SIPA1L2: variants seen among roughly 807,000 people sequenced by gnomAD.
SIPA1L2 encodes signal induced proliferation associated 1 like 2.
A neutral mutation model predicts 163.9 loss-of-function variants in SIPA1L2; 56 were observed. The observed-to-expected ratio is 0.34, with a 90% CI of 0.28 to 0.43. The LOEUF (loss-of-function observed/expected upper bound fraction) is 0.43. SIPA1L2 is among the 20% of genes least tolerant of loss of function. The pLI is 1.00. For missense variants in SIPA1L2, 1,974 were observed against 2,193.5 expected, an observed-to-expected ratio of 0.90 and a Z score of 2.00; for synonymous variants, 877 against 865.7, an observed-to-expected ratio of 1.01 and a Z score of -0.23.
Position 232,398,264 on chromosome 1 carries a change from G to A in SIPA1L2, c.*863C>T, listed in dbSNP as rs1379700125. On this transcript the variant is annotated 3_prime_UTR_variant, in exon 23 of 23. Coordinates refer to ENST00000674635, the MANE Select transcript of SIPA1L2 (RefSeq NM_020808.5). ...TACAAGACACTTCATCAAAGCTTCT[G>A]TACAAAGATAAACAAATCTGGCATT... 6.6e-6 allele frequency: 1 copy of A among 152,564 alleles called. No homozygotes were observed. The highest frequency in any genetic ancestry group is 1.5e-5 in the Non-Finnish European group (1 of 68,022). 9.5% of individuals were successfully genotyped at this position (152,564 alleles called of 1,614,324 possible).
In SIPA1L2 at chr1:232,501,050, A is replaced by ATTTTTTTTTTTTT. The variant is rs60008360; in HGVS notation, c.1484-7403_1484-7391dup. 7.8e-3 allele frequency among the ~76,000 whole-genome samples: 608 copies of ATTTTTTTTTTTTT among 78,428 alleles called. 80 individuals are homozygous for ATTTTTTTTTTTTT. The highest frequency in any genetic ancestry group is 0.011 in the East Asian group (24 of 2,108). The allele number at this position is 78,428 out of a possible 152,430, so 51.5% of individuals were successfully genotyped here. On this transcript the variant is annotated intron_variant, in intron 3 of 22. Transcript: ENST00000674635. ...TGTTAGCACTTTTTAGCAATGAAGT[A>ATTTTTTTTTTTTT]TTTTTTTTTTTTTTTTTTTTTTTGT...
intron 1 of SIPA1L2, among the ~76,000 whole-genome samples, chr1:232,601,182 C>A (rs1011777094): frequency 8.5e-5 from 13 of 152,328 alleles, no homozygotes; most frequent in South Asian, 6.2e-4. Flanking sequence ...AAGACTGCCT[C>A]ATCCTACAGT....
At chr1:232,402,303 T>C in intron 22 of SIPA1L2, 89 bp downstream of exon 22, 1 of 1,206,170 alleles carries the variant, frequency 8.3e-7, no homozygotes, top group South Asian at 1.5e-5. Context: ...CAGTTTTCTT[T>C]CCTGAGTCTT....
At chr1:232,621,818 C>T (rs7520506) in intron 1 of SIPA1L2, among the ~76,000 whole-genome samples, 6,683 of 151,958 alleles carry the variant, frequency 0.044, 486 homozygotes, top group Admixed American at 0.17. Context: ...TAACCTCGAA[C>T]GCCTGGGCTC....
intron 1 of SIPA1L2, among the ~76,000 whole-genome samples, chr1:232,615,881 C>T (rs1573179845): frequency 6.6e-6 from 1 of 152,176 alleles, no homozygotes; most frequent in African/African-American, 2.4e-5. Flanking sequence ...ACCACCATAA[C>T]CTGAGTCCCT....
intron 2 of SIPA1L2, among the ~76,000 whole-genome samples, chr1:232,540,756 C>G (rs1261828624): frequency 6.6e-6 from 1 of 152,028 alleles, no homozygotes; most frequent in African/African-American, 2.4e-5. Context: ...GAATACGGAT[C>G]TAGTTGGTGA....
At chr1:232,614,297 T>C (rs559931913) in intron 1 of SIPA1L2, among the ~76,000 whole-genome samples, 172 of 152,246 alleles carry the variant, frequency 1.1e-3, no homozygotes, top group African/African-American at 2.8e-3. Context: ...ACACACATCT[T>C]AGAGGCATGT....
At chr1:232,606,922 T>C (rs955723872) in intron 1 of SIPA1L2, among the ~76,000 whole-genome samples, 1 of 152,018 alleles carries the variant, frequency 6.6e-6, no homozygotes, top group African/African-American at 2.4e-5. Flanking sequence ...TAATTACTTG[T>C]CTTGAAAATT....
intron 2 of SIPA1L2, among the ~76,000 whole-genome samples, chr1:232,556,831 T>C (rs1658739374): frequency 6.6e-6 from 1 of 152,188 alleles, no homozygotes; most frequent in Admixed American, 6.5e-5. Context: ...GCACACTTCT[T>C]GGAAAGCTCA....
chr1:232,454,924 A>G (rs1244309931), intron 10 of SIPA1L2, among the ~76,000 whole-genome samples: 1 of 152,232 alleles, frequency 6.6e-6, no homozygotes, highest in Non-Finnish European at 1.5e-5. Flanking sequence ...AAAGACTAAA[A>G]GGAGTCCTTG....
intron 18 of SIPA1L2, 162 bp from the exon 19 acceptor site, chr1:232,415,787 TCC>T: frequency 1.7e-6 from 1 of 598,178 alleles, no homozygotes; most frequent in East Asian, 3.5e-5. Flanking sequence ...GGCACCACTG[TCC>T]CTCCCAGAGT....
In SIPA1L2 at chr1:232,515,372, G is replaced by A. The variant is rs527912857; in HGVS notation, c.-33C>T. 4.4e-5 allele frequency: 68 copies of A among 1,535,252 alleles called. No individual in the cohort carries two copies. The highest frequency in any genetic ancestry group is 5.3e-5 in the Non-Finnish European group (61 of 1,144,046). ...GAGGAAGAGCCTCCAAGTCTCACCA[G>A]GAAGACTGATGTAAATCTAATTACA... On this transcript the variant is annotated 5_prime_UTR_variant, in exon 3 of 23. Transcript: ENST00000674635.
At chr1:232,415,199 A>G (rs1217120078) in intron 19 of SIPA1L2, among the ~76,000 whole-genome samples, 2 of 152,166 alleles carry the variant, frequency 1.3e-5, no homozygotes, top group African/African-American at 4.8e-5. Context: ...AATCACCTCT[A>G]CTTTTCAGAT....
intron 2 of SIPA1L2, among the ~76,000 whole-genome samples, chr1:232,529,904 T>C (rs902276076): frequency 2.6e-5 from 4 of 152,236 alleles, no homozygotes; most frequent in Non-Finnish European, 5.9e-5. Context: ...TGCAGAATGA[T>C]GTGTCATCAG....
chr1:232,462,295 C>CTA, intron 9 of SIPA1L2: 1 of 1,549,792 alleles, frequency 6.5e-7, no homozygotes, highest in South Asian at 1.2e-5. Flanking sequence ...TGGGAGGTAT[C>CTA]ATACTCCTAT....
intron 1 of SIPA1L2, among the ~76,000 whole-genome samples, chr1:232,602,477 C>A (rs976717832): frequency 1.3e-5 from 2 of 152,160 alleles, no homozygotes; most frequent in African/African-American, 4.8e-5. Context: ...ATTACAGGTG[C>A]ACGCCACCAT....
At chr1:232,472,252 T>C (rs1203634496) in intron 7 of SIPA1L2, among the ~76,000 whole-genome samples, 2 of 152,186 alleles carry the variant, frequency 1.3e-5, no homozygotes, top group Non-Finnish European at 2.9e-5. Flanking sequence ...GTTGTCTCTG[T>C]AGATCCCATT....
intron 8 of SIPA1L2, among the ~76,000 whole-genome samples, chr1:232,466,747 C>T (rs1011376203): frequency 1.4e-4 from 21 of 152,146 alleles, no homozygotes; most frequent in Admixed American, 1.2e-3. Context: ...GCCGAGATCA[C>T]GCCACTGCAC....
At chr1:232,485,919 A>G (rs945678742) in intron 5 of SIPA1L2, among the ~76,000 whole-genome samples, 1 of 152,116 alleles carries the variant, frequency 6.6e-6, no homozygotes, top group African/African-American at 2.4e-5. Context: ...TTGCTGCACC[A>G]TCATCCTCAT....
Sources: gnomAD v4.1 joint callset for allele counts (sites outside exome capture counted in the v4.1 genomes callset) on GRCh38, gnomAD v4.1.1 for gene constraint, MANE v1.5 for transcripts, NCBI Gene and HGNC (gene_info 2026-07-23, HGNC 2026-07-21) for gene names.